PPP2R3A: variants seen among roughly 807,000 people sequenced by gnomAD.
PPP2R3A encodes the protein serine/threonine-protein phosphatase 2A regulatory subunit B'' subunit alpha.
A neutral mutation model predicts 106.9 loss-of-function variants in PPP2R3A; 80 were observed. The ratio of observed to expected loss-of-function variants is 0.75; its 90% CI spans 0.62 to 0.90. The LOEUF is 0.90. Ranked by LOEUF, PPP2R3A falls within the 40% of genes least tolerant of loss-of-function variation. The probability of loss-of-function intolerance (pLI) is 0.00; values close to 1 mark genes in which losing one functional copy is unlikely to be tolerated. For missense variants in PPP2R3A, 1,386 were observed against 1,350.4 expected (o/e 1.03, Z -0.41); for synonymous variants, 483 against 468.3 (o/e 1.03, Z -0.41).
chr3:135,969,882 G>T lies in PPP2R3A; in HGVS notation c.-441+4033G>T, dbSNP rs368485623. Among the ~76,000 whole-genome samples the T allele has an allele frequency of 5.9e-5, 9 of 152,162 alleles. No individual in the cohort carries two copies. In the East Asian group the frequency reaches 9.6e-4, roughly 16 times the overall value. On this transcript the variant is annotated intron_variant, in intron 1 of 13. Coordinates refer to ENST00000264977, the MANE Select transcript of PPP2R3A (RefSeq NM_002718.5). ...CAATAATTGGAGCTAAGTCACAGAT[G>T]ATCGCAGCTCTTCTATTTCACTACA... is the stretch of plus-strand genomic sequence containing the variant.
At chr3:135,978,255 T>C (rs754355082) in intron 1 of PPP2R3A, among the ~76,000 whole-genome samples, 3 of 152,052 alleles carry the variant, frequency 2.0e-5, no homozygotes, top group Non-Finnish European at 4.4e-5. Context: ...AAGCCTGTTC[T>C]AGAGAAAATA....
chr3:136,013,112 G>T (rs564737915), intron 2 of PPP2R3A, among the ~76,000 whole-genome samples: 9 of 151,664 alleles, frequency 5.9e-5, no homozygotes, highest in Admixed American at 2.6e-4. Flanking sequence ...AGGTTTCTGC[G>T]AATGCCATTA....
At chr3:136,011,470 C>G (rs1038586806) in intron 2 of PPP2R3A, among the ~76,000 whole-genome samples, 18 of 152,054 alleles carry the variant, frequency 1.2e-4, no homozygotes, top group Non-Finnish European at 1.3e-4. Context: ...TCCTTACAAC[C>G]AACCTTATCC....
chr3:136,113,531 G>A (rs1420350709), intron 13 of PPP2R3A, among the ~76,000 whole-genome samples: 1 of 152,190 alleles, frequency 6.6e-6, no homozygotes, highest in East Asian at 1.9e-4. Flanking sequence ...ACTCATGCTT[G>A]TAATCCCAGC....
At chr3:136,037,954 A>G (rs1441951488) in intron 3 of PPP2R3A, among the ~76,000 whole-genome samples, 1 of 151,886 alleles carries the variant, frequency 6.6e-6, no homozygotes, top group East Asian at 1.9e-4. Context: ...AAAAAAAAAC[A>G]AAAACAAAAT....
intron 1 of PPP2R3A, among the ~76,000 whole-genome samples, chr3:135,977,188 A>G (rs1372432247): frequency 6.6e-6 from 1 of 152,136 alleles, no homozygotes; most frequent in South Asian, 2.1e-4. Context: ...ACTTGTTACC[A>G]CTCAATGTTA....
chr3:136,131,295 A>G (rs1177332522), intron 13 of PPP2R3A, among the ~76,000 whole-genome samples: 1 of 152,238 alleles, frequency 6.6e-6, no homozygotes, highest in Non-Finnish European at 1.5e-5. Flanking sequence ...TCCAAAATCT[A>G]CAAAGAACTC....
intron 4 of PPP2R3A, 136 bp from the exon 5 acceptor site, chr3:136,049,123 C>A (rs1033842748): frequency 7.1e-5 from 46 of 651,006 alleles, no homozygotes; most frequent in Non-Finnish European, 1.1e-4. Flanking sequence ...CTAAAACATC[C>A]TTTGATTATG....
intron 13 of PPP2R3A, among the ~76,000 whole-genome samples, chr3:136,128,424 G>A (rs1333743380): frequency 2.6e-5 from 4 of 151,674 alleles, no homozygotes; most frequent in African/African-American, 9.7e-5. Flanking sequence ...GACAAAGAAG[G>A]CCATTACATA....
chr3:136,146,849 T>C lies in PPP2R3A; in HGVS notation c.*1683T>C, dbSNP rs1453805140. On this transcript the variant is annotated 3_prime_UTR_variant, in exon 14 of 14. Transcript: ENST00000264977. The stretch of plus-strand genomic sequence containing the variant: ...TTACCAGGGAAGAAAAGCAATTATT[T>C]CATTTCAGATAGAAATACAAAAAAA... 6.6e-6 allele frequency: 1 copy of C among 151,098 alleles called. No individual in the cohort carries two copies. Among genetic ancestry groups the C allele is most frequent in the Non-Finnish European group, 1.5e-5 (1 of 67,864 alleles). 9.4% of individuals were successfully genotyped at this position (151,098 alleles called of 1,614,324 possible).
chr3:136,106,602 C>G, intron 13 of PPP2R3A: 1 of 375,846 alleles, frequency 2.7e-6, no homozygotes, highest in Non-Finnish European at 4.8e-6. Context: ...TTGATAAACC[C>G]TGTACATAAA....
At chr3:136,142,212 G>C (rs1356078748) in intron 13 of PPP2R3A, among the ~76,000 whole-genome samples, 3 of 152,172 alleles carry the variant, frequency 2.0e-5, no homozygotes, top group Non-Finnish European at 2.9e-5. Flanking sequence ...GAAGGAGCAA[G>C]AGTTCTAAGA....
intron 6 of PPP2R3A, among the ~76,000 whole-genome samples, chr3:136,075,389 C>T (rs1408586128): frequency 6.6e-6 from 1 of 152,152 alleles, no homozygotes; most frequent in East Asian, 1.9e-4. Context: ...GAGTCAGCAG[C>T]TACATGCTTC....
intron 3 of PPP2R3A, among the ~76,000 whole-genome samples, chr3:136,033,584 G>T (rs1270983017): frequency 6.6e-6 from 1 of 152,132 alleles, no homozygotes; most frequent in Non-Finnish European, 1.5e-5. Flanking sequence ...TCTGTTCAGG[G>T]TATCTAATTC....
chr3:136,070,466 G>C lies in PPP2R3A; in HGVS notation c.2470-12G>C. ...TGTTTGTTAATTTAGTTTTGGTTTT[G>C]ATCTTTTTCAGGATGTGGTGGATAC... On this transcript the variant is annotated splice_polypyrimidine_tract_variant and intron_variant, in intron 5 of 13. Coordinates refer to ENST00000264977, the MANE Select transcript of PPP2R3A (RefSeq NM_002718.5). 1 of 1,585,206 alleles carries C rather than the reference G, an allele frequency of 6.3e-7. No homozygotes were observed. Among genetic ancestry groups the C allele is most frequent in the Non-Finnish European group, 8.5e-7 (1 of 1,170,048 alleles).
intron 4 of PPP2R3A, among the ~76,000 whole-genome samples, chr3:136,043,158 T>C (rs1407288760): frequency 6.7e-6 from 1 of 149,958 alleles, no homozygotes; most frequent in Non-Finnish European, 1.5e-5. Flanking sequence ...AATATAAAAG[T>C]CATAAGAATA....
Position 136,002,451 on chromosome 3 carries a change from A to G in PPP2R3A, c.953A>G (p.Gln318Arg). Residue 318 changes from glutamine (Q) to arginine (R), a missense_variant, in exon 2 of 14, where the codon CAA (glutamine) becomes CGA (arginine). By Grantham distance (43) the Gln-to-Arg change is conservative (BLOSUM62 1). Coordinates refer to ENST00000264977, the MANE Select transcript of PPP2R3A (RefSeq NM_002718.5). The stretch of plus-strand genomic sequence containing the variant: ...CTGATCAGTAATATGCCTAGCTTAC[A>G]ACTGACTCCCTTCTCCCCAGTGTTT... ...TELISNMPSL[Q>R]LTPFSPVFGT... 1 of 1,613,960 alleles carries G rather than the reference A, an allele frequency of 6.2e-7. No homozygotes were observed. The highest frequency in any genetic ancestry group is 8.5e-7 in the Non-Finnish European group (1 of 1,179,838).
chr3:136,049,005 G>A lies in PPP2R3A; in HGVS notation c.2367-254G>A, dbSNP rs572040724. 1.4e-3 allele frequency among the ~76,000 whole-genome samples: 214 copies of A among 152,132 alleles called. 2 individuals carry two copies. Among genetic ancestry groups the A allele is most frequent in the African/African-American group, 4.4e-3 (184 of 41,528 alleles). On this transcript the variant is annotated intron_variant, in intron 4 of 13. Coordinates refer to ENST00000264977, the MANE Select transcript of PPP2R3A (RefSeq NM_002718.5). The stretch of plus-strand genomic sequence containing the variant: ...TAGACAGCTGTTCCTTCCTGTTTCC[G>A]TTTTACCATCAAGGTCAAGGCCTTA...
chr3:136,012,830 A>G (rs947255644), intron 2 of PPP2R3A, among the ~76,000 whole-genome samples: 1 of 152,144 alleles, frequency 6.6e-6, no homozygotes, highest in African/African-American at 2.4e-5. Flanking sequence ...TTGGGGGCAC[A>G]GGTGGTATTT....
Sources: allele counts gnomAD v4.1 joint callset (sites outside exome capture counted in the v4.1 genomes callset), GRCh38; gene constraint gnomAD v4.1.1; transcripts MANE v1.5; gene names NCBI Gene and HGNC (gene_info 2026-07-23, HGNC 2026-07-21).